The following EYS variants were observed in gnomAD, a reference collection of about 807,000 sequenced individuals.
EYS encodes the protein protein eyes shut homolog.
Under a neutral mutation model 282.1 loss-of-function variants are expected in EYS, and 250 were observed. The observed-to-expected ratio is 0.89, with a 90% CI of 0.80 to 0.98. EYS has a LOEUF of 0.98. EYS is among the 50% of genes least tolerant of loss of function. The probability of loss-of-function intolerance (pLI) is 0.00; values close to 1 mark genes in which losing one functional copy is unlikely to be tolerated. For synonymous variants in EYS, 1,355 were observed against 1,282.9 expected (o/e 1.06, Z -1.20); for missense variants, 4,016 against 3,709.0 (o/e 1.08, Z -2.15).
intron 29 of EYS, among the ~76,000 whole-genome samples, chr6:64,328,558 C>T (rs981233739): frequency 2.6e-5 from 4 of 152,156 alleles, no homozygotes; most frequent in African/African-American, 7.2e-5. Flanking sequence ...CCAGAGGCTG[C>T]GGGTAATCAG....
intron 35 of EYS, among the ~76,000 whole-genome samples, chr6:63,893,677 T>C (rs1276239489): frequency 6.6e-6 from 1 of 152,124 alleles, no homozygotes; most frequent in Non-Finnish European, 1.5e-5. Flanking sequence ...TATACCTATA[T>C]AACTTGCATG....
intron 29 of EYS, among the ~76,000 whole-genome samples, chr6:64,329,211 A>T (rs1770542970): frequency 6.6e-6 from 1 of 152,190 alleles, no homozygotes; most frequent in Non-Finnish European, 1.5e-5. Flanking sequence ...ATTGTCTAAA[A>T]ATTATGTCAA....
Position 64,813,519 on chromosome 6 carries a change from A to T in EYS, c.3302T>A (p.Phe1101Tyr). The change falls in exon 22 of 43, where the codon TTT (phenylalanine) becomes TAT (tyrosine). Residue 1101 changes from phenylalanine (F) to tyrosine (Y), a missense_variant. Phe to Tyr is a conservative substitution (Grantham distance 22, BLOSUM62 3). Coordinates refer to ENST00000503581, the MANE Select transcript of EYS (RefSeq NM_001142800.2). ...EGFCQKSAHG[F>Y]TCICPRGYTG... Reference sequence around the variant, plus strand: ...GTATCCACGTGGGCAAATGCAAGTAAATCCATGTGCTGACTTCTGACAGAA... The same window carrying T: ...GTATCCACGTGGGCAAATGCAAGTATATCCATGTGCTGACTTCTGACAGAA... 1 of 1,550,584 alleles carries T rather than the reference A, an allele frequency of 6.4e-7. No homozygotes were observed. The highest frequency in any genetic ancestry group is 8.7e-7 in the Non-Finnish European group (1 of 1,146,196).
At position 63,721,885 on chromosome 6, in the gene EYS, T is replaced by G. The variant is rs1582140939; in HGVS notation, c.8234-88A>C. ...CTGTTTCTGGCCAAGTTGGATAAGT[T>G]TTAGTTATGGGGAAAAAAGTAACAG... On this transcript the variant is annotated intron_variant, in intron 42 of 42. Coordinates refer to ENST00000503581, the MANE Select transcript of EYS (RefSeq NM_001142800.2). 31 of 1,264,964 alleles carry G rather than the reference T, an allele frequency of 2.5e-5. No homozygotes were observed. In the East Asian group the frequency reaches 7.9e-4, roughly 32 times the overall value. 78.4% of individuals were successfully genotyped at this position (1,264,964 alleles called of 1,614,324 possible). A position where few individuals can be genotyped will look rare whatever the true frequency, so the allele number is the denominator to read the frequency against.
At chr6:65,291,490 T>G (rs1768524512) in intron 12 of EYS, among the ~76,000 whole-genome samples, 1 of 151,510 alleles carries the variant, frequency 6.6e-6, no homozygotes, top group Admixed American at 6.6e-5. Context: ...GTTGTATATT[T>G]ATCTTATTGA....
intron 37 of EYS, 39 bp from the exon 38 acceptor site, chr6:63,789,263 G>A (rs761726449): frequency 6.5e-7 from 1 of 1,534,052 alleles, no homozygotes. Flanking sequence ...TCACTGAGAG[G>A]AAATTCAGGA....
At chr6:64,588,149 T>G (rs1249491841) in intron 26 of EYS, among the ~76,000 whole-genome samples, 1 of 151,982 alleles carries the variant, frequency 6.6e-6, no homozygotes, top group African/African-American at 2.4e-5. Flanking sequence ...AAAATTCAAA[T>G]AATCACTGTG....
chr6:64,948,074 T>C (rs757132256), intron 14 of EYS, among the ~76,000 whole-genome samples: 15 of 151,750 alleles, frequency 9.9e-5, no homozygotes, highest in Non-Finnish European at 1.3e-4. Flanking sequence ...TAGTAGAAAA[T>C]TGTCAATTTC....
At chr6:65,419,673 C>T (rs1317788242) in intron 5 of EYS, among the ~76,000 whole-genome samples, 2 of 151,692 alleles carry the variant, frequency 1.3e-5, no homozygotes, top group Non-Finnish European at 2.9e-5. Flanking sequence ...TCAATATATC[C>T]AAAATAAAAT....
intron 36 of EYS, among the ~76,000 whole-genome samples, chr6:63,827,498 A>G (rs1216218677): frequency 2.0e-5 from 3 of 152,232 alleles, no homozygotes; most frequent in African/African-American, 4.8e-5. Flanking sequence ...AACTTTCTCC[A>G]GGAAAGACCA....
chr6:64,716,347 T>C (rs923125690), intron 22 of EYS, among the ~76,000 whole-genome samples: 4 of 152,220 alleles, frequency 2.6e-5, no homozygotes, highest in Admixed American at 1.3e-4. Flanking sequence ...AATTGCGATA[T>C]TGGTTGGCAA....
At chr6:64,441,964 A>G (rs968049823) in intron 26 of EYS, among the ~76,000 whole-genome samples, 1 of 152,218 alleles carries the variant, frequency 6.6e-6, no homozygotes, top group African/African-American at 2.4e-5. Context: ...ACTGCTGAAA[A>G]GATACCTGAA....
chr6:65,592,588 G>T (rs1007365422), intron 2 of EYS, among the ~76,000 whole-genome samples: 1 of 151,838 alleles, frequency 6.6e-6, no homozygotes, highest in African/African-American at 2.4e-5. Flanking sequence ...CCACCCAGAG[G>T]GGTAAACGCC....
intron 7 of EYS, among the ~76,000 whole-genome samples, chr6:65,400,194 C>T (rs942061115): frequency 2.0e-5 from 3 of 152,000 alleles, no homozygotes; most frequent in African/African-American, 7.2e-5. Context: ...TCTAGGAATT[C>T]CTAGTATTTG....
chr6:63,827,327 G>A (rs1456886883), intron 36 of EYS, among the ~76,000 whole-genome samples: 1 of 152,114 alleles, frequency 6.6e-6, no homozygotes, highest in African/African-American at 2.4e-5. Context: ...ATAATAGTGG[G>A]GGACTTCAAT....
intron 27 of EYS, among the ~76,000 whole-genome samples, chr6:64,437,164 A>T (rs577356091): frequency 6.6e-6 from 1 of 151,734 alleles, no homozygotes; most frequent in Non-Finnish European, 1.5e-5. Flanking sequence ...AGTTGACTTT[A>T]AAAACTCCAA....
chr6:65,541,896 C>T (rs184479315), intron 2 of EYS, among the ~76,000 whole-genome samples: 1 of 151,942 alleles, frequency 6.6e-6, no homozygotes, highest in East Asian at 1.9e-4. Flanking sequence ...CTCACCATCA[C>T]GGAGGATGGA....
chr6:63,809,535 G>A (rs1770987282), intron 36 of EYS, among the ~76,000 whole-genome samples: 1 of 152,056 alleles, frequency 6.6e-6, no homozygotes, highest in Non-Finnish European at 1.5e-5. Flanking sequence ...TTCTTCTAAA[G>A]TTACATGAAT....
intron 8 of EYS, 120 bp from the exon 9 acceptor site, chr6:65,353,737 A>C: frequency 1.3e-6 from 1 of 747,876 alleles, no homozygotes; most frequent in Non-Finnish European, 2.3e-6. Context: ...TTTATGGGAC[A>C]CACTTTTTAT....
Sources: gnomAD v4.1 joint callset for allele counts (sites outside exome capture counted in the v4.1 genomes callset) on GRCh38, gnomAD v4.1.1 for gene constraint, MANE v1.5 for transcripts, NCBI Gene and HGNC (gene_info 2026-07-23, HGNC 2026-07-21) for gene names.